Variants in SLFN12 observed in about 807,000 individuals in gnomAD.
SLFN12 encodes the protein ribonuclease SLFN12.
SLFN12 carries 25 observed loss-of-function variants against 29.1 expected under a neutral mutation model. The ratio of observed to expected loss-of-function variants is 0.86; its 90% confidence interval spans 0.63 to 1.20. The LOEUF (loss-of-function observed/expected upper bound fraction) is 1.20. SLFN12 is among the 50% of genes most tolerant of loss of function. SLFN12 has a pLI of 0.00. For missense variants in SLFN12, 660 were observed against 666.2 expected, an observed-to-expected ratio of 0.99 and a Z score of 0.10; for synonymous variants, 257 against 238.7, an observed-to-expected ratio of 1.08 and a Z score of -0.71.
Position 35,422,369 on chromosome 17 carries a change from C to T in SLFN12, c.660G>A (p.Glu220=). 2 of 1,614,004 alleles carry T rather than the reference C, an allele frequency of 1.2e-6. No homozygotes were observed. Among genetic ancestry groups the T allele is most frequent in the Non-Finnish European group, 8.5e-7 (1 of 1,179,978 alleles). Residue 220 remains glutamate, a synonymous_variant, in exon 2 of 4, where the codon GAG becomes GAA. Transcript: ENST00000304905. ...STEKLLQRIK[E]ILPQYVSAFA... ...ATGCAGAAACATATTGAGGGAGAAT[C>T]TCTTTAATTCGTTGTAACAACTTTT... is the stretch of plus-strand genomic sequence containing the variant.
intron 1 of SLFN12, among the ~76,000 whole-genome samples, chr17:35,426,105 A>C (rs1209815866): frequency 6.6e-6 from 1 of 151,182 alleles, no homozygotes; most frequent in African/African-American, 2.4e-5. Context: ...CTCTTGAGAA[A>C]TGTCTATTCA....
At chr17:35,421,782 C>T (rs146818823) in intron 2 of SLFN12, among the ~76,000 whole-genome samples, 127 of 151,852 alleles carry the variant, frequency 8.4e-4, no homozygotes, top group African/African-American at 2.9e-3. Context: ...CCTCGTGATC[C>T]GCCCGCCTTG....
chr17:35,411,482 C>A lies in SLFN12; in HGVS notation c.1593G>T (p.Leu531=), dbSNP rs1196695286. 6.2e-7 allele frequency: 1 copy of A among 1,613,890 alleles called. No individual in the cohort carries two copies. The highest frequency in any genetic ancestry group is 8.5e-7 in the Non-Finnish European group (1 of 1,179,986). Reference sequence around the variant, plus strand: ...TCTTTAAGGCTTTAAAAAGGGCTTTCAGCAAGTATTTCCTTCTTGTAAAAT... The same window carrying A: ...TCTTTAAGGCTTTAAAAAGGGCTTTAAGCAAGTATTTCCTTCTTGTAAAAT... The part of the protein sequence containing the change: ...SYYFTRRKYL[L]KALFKALKRL... The change falls in exon 4 of 4, where the codon CTG becomes CTT. Residue 531 remains leucine (L), a synonymous_variant. Transcript: ENST00000304905.
At chr17:35,412,962 A>T (rs1415785893) in intron 3 of SLFN12, among the ~76,000 whole-genome samples, 1 of 152,058 alleles carries the variant, frequency 6.6e-6, no homozygotes, top group East Asian at 1.9e-4. Flanking sequence ...AGTAGGTGGT[A>T]ATAAGAACTT....
At chr17:35,425,296 C>G (rs1911936947) in intron 1 of SLFN12, among the ~76,000 whole-genome samples, 1 of 151,934 alleles carries the variant, frequency 6.6e-6, no homozygotes, top group African/African-American at 2.4e-5. Flanking sequence ...GACCCTGTCT[C>G]CAAATAAATA....
rs920088088 is a variant in SLFN12, at chr17:35,411,033, T to A, written c.*305A>T. ...GGTATATGCTGGGAGATTTTCACTG[T>A]TGTCATTAAGAATAAAAGTGTTGCA... On this transcript the variant is annotated 3_prime_UTR_variant, in exon 4 of 4. Transcript: ENST00000304905. 1.6e-5 allele frequency: 3 copies of A among 183,892 alleles called. No homozygotes were observed. Among genetic ancestry groups the A allele is most frequent in the African/African-American group, 7.0e-5 (3 of 42,642 alleles). The allele number at this position is 183,892 out of a possible 1,614,324, so 11.4% of individuals were successfully genotyped here. A position where few individuals can be genotyped will look rare whatever the true frequency, so the allele number is the denominator to read the frequency against.
At chr17:35,432,544 T>C (rs1036634599), upstream of SLFN12, 5 of 152,106 alleles carry the variant, frequency 3.3e-5, no homozygotes, top group African/African-American at 1.2e-4. Flanking sequence ...TATGAAAACA[T>C]CTGATTGGAC....
intron 1 of SLFN12, among the ~76,000 whole-genome samples, chr17:35,431,306 G>A (rs951488598): frequency 5.3e-5 from 8 of 152,046 alleles, no homozygotes; most frequent in African/African-American, 1.9e-4. Context: ...TTCAAAGAAC[G>A]CTGAGGCCAA....
At chr17:35,423,180 G>A in intron 1 of SLFN12, 112 bp from the exon 2 acceptor site, 1 of 1,217,156 alleles carries the variant, frequency 8.2e-7, no homozygotes. Context: ...TACTAGACTG[G>A]TAAGTATATG....
chr17:35,431,391 C>A (rs941595428), intron 1 of SLFN12, among the ~76,000 whole-genome samples: 3 of 152,148 alleles, frequency 2.0e-5, no homozygotes, highest in African/African-American at 7.2e-5. Context: ...AGCCTGCATA[C>A]ATGCAACTCC....
rs745812720 is a variant in SLFN12, at chr17:35,422,691, T to TGAAG, written c.337_338insCTTC (p.Asn113ThrfsTer42). 2 of 1,614,120 alleles carry TGAAG rather than the reference T, an allele frequency of 1.2e-6. No individual in the cohort carries two copies. The highest frequency in any genetic ancestry group is 1.7e-6 in the Non-Finnish European group (2 of 1,180,010). ...GGTGGTAATCCGCAGACCAGAGGTG[T>TGAAG]TCAAGCTCCATGACTTCACAAAAAT... is the stretch of plus-strand genomic sequence containing the variant. On this transcript the variant is annotated frameshift_variant, in exon 2 of 4. Transcript: ENST00000304905. LOFTEE classifies it high-confidence loss of function.
At chr17:35,412,758 G>T (rs879555915) in intron 3 of SLFN12, among the ~76,000 whole-genome samples, 19 of 151,860 alleles carry the variant, frequency 1.3e-4, no homozygotes, top group Non-Finnish European at 2.1e-4. Context: ...AGAAAAATCA[G>T]ATCAGAGAAA....
At chr17:35,413,472 G>A (rs1911148236) in intron 3 of SLFN12, among the ~76,000 whole-genome samples, 1 of 152,134 alleles carries the variant, frequency 6.6e-6, no homozygotes, top group Non-Finnish European at 1.5e-5. Context: ...ATTCGGCCCA[G>A]TGTAGTGGCT....
chr17:35,431,449 G>A (rs1342711165), intron 1 of SLFN12, among the ~76,000 whole-genome samples: 2 of 152,058 alleles, frequency 1.3e-5, no homozygotes, highest in African/African-American at 4.8e-5. Flanking sequence ...AAACAATATT[G>A]AGGCCAAACA....
At chr17:35,419,552 C>T (rs529255946) in intron 3 of SLFN12, among the ~76,000 whole-genome samples, 6 of 152,118 alleles carry the variant, frequency 3.9e-5, no homozygotes, top group Non-Finnish European at 5.9e-5. Flanking sequence ...GGGAAATGCA[C>T]ATCACAAAGA....
intron 3 of SLFN12, among the ~76,000 whole-genome samples, 170 bp from the exon 4 acceptor site, chr17:35,412,097 T>C (rs998392398): frequency 1.3e-5 from 2 of 152,030 alleles, no homozygotes; most frequent in Non-Finnish European, 2.9e-5. Flanking sequence ...ATAAAAGCAG[T>C]ATTTGAAGTG....
chr17:35,418,227 C>T (rs771842612), intron 3 of SLFN12, among the ~76,000 whole-genome samples: 2 of 152,038 alleles, frequency 1.3e-5, no homozygotes, highest in South Asian at 2.1e-4. Flanking sequence ...CAGGGACAGA[C>T]AATTTGATCA....
chr17:35,416,210 G>A (rs1330819490), intron 3 of SLFN12, among the ~76,000 whole-genome samples: 1 of 152,236 alleles, frequency 6.6e-6, no homozygotes. Flanking sequence ...ACAGCAACCT[G>A]AATGGGGTGG....
intron 3 of SLFN12, among the ~76,000 whole-genome samples, chr17:35,418,699 G>A (rs1911457514): frequency 6.7e-6 from 1 of 149,792 alleles, no homozygotes; most frequent in Admixed American, 6.6e-5. Flanking sequence ...TTTGTTCAAA[G>A]GTGAATTGTA....
Sources: allele counts gnomAD v4.1 joint callset (sites outside exome capture counted in the v4.1 genomes callset), GRCh38; gene constraint gnomAD v4.1.1; transcripts MANE v1.5; gene names NCBI Gene and HGNC (gene_info 2026-07-23, HGNC 2026-07-21).